Variants in AP4E1 observed in about 807,000 individuals in gnomAD.
AP4E1 encodes AP-4 complex subunit epsilon-1.
A neutral mutation model predicts 128.2 loss-of-function variants in AP4E1; 56 were observed. The observed-to-expected ratio is 0.44, with a 90% CI of 0.35 to 0.55. The LOEUF (loss-of-function observed/expected upper bound fraction) is 0.55, where lower values mean the gene tolerates loss of function less well. AP4E1 is among the 20% of genes least tolerant of loss of function. The pLI is 0.00. For missense variants in AP4E1, 1,324 were observed against 1,307.7 expected, an observed-to-expected ratio of 1.01 and a Z score of -0.19; for synonymous variants, 484 against 473.1, an observed-to-expected ratio of 1.02 and a Z score of -0.30.
rs2065007342 is a variant in AP4E1, at chr15:51,005,444, G to C, written c.*2782G>C. ...TGGAGGCAGGCAGATCAGAGCTCAGGGTTTGAAAGTGGGCCTGAGTAAGGG... is the reference window on the plus strand; with the variant it reads ...TGGAGGCAGGCAGATCAGAGCTCAGCGTTTGAAAGTGGGCCTGAGTAAGGG... On this transcript the variant is annotated 3_prime_UTR_variant, in exon 21 of 21. Coordinates refer to ENST00000261842, the MANE Select transcript of AP4E1 (RefSeq NM_007347.5). The C allele has an allele frequency of 6.6e-6, 1 of 152,610 alleles. No homozygotes were observed. Among genetic ancestry groups the C allele is most frequent in the South Asian group, 2.1e-4 (1 of 4,824 alleles). 9.5% of individuals were successfully genotyped at this position (152,610 alleles called of 1,614,324 possible).
At chr15:50,912,215 G>C in intron 2 of AP4E1, 66 bp downstream of exon 2, 1 of 1,346,538 alleles carries the variant, frequency 7.4e-7, no homozygotes, top group Non-Finnish European at 1.1e-6. Flanking sequence ...ACTCAATAGT[G>C]GCATCTAACT....
chr15:50,950,228 T>G, intron 13 of AP4E1, 59 bp downstream of exon 13: 1 of 1,206,230 alleles, frequency 8.3e-7, no homozygotes. Flanking sequence ...AACCAAATGT[T>G]AACATATTTT....
At chr15:50,944,818 T>C in intron 10 of AP4E1, 1 of 709,648 alleles carries the variant, frequency 1.4e-6, no homozygotes. Context: ...ATGGAATGAG[T>C]ATTTGCAAAA....
intron 20 of AP4E1, among the ~76,000 whole-genome samples, chr15:51,002,002 C>T (rs2064969491): frequency 6.6e-6 from 1 of 152,138 alleles, no homozygotes; most frequent in Non-Finnish European, 1.5e-5. Context: ...CCTCAGCCTC[C>T]CGAGTAGCTA....
intron 16 of AP4E1, among the ~76,000 whole-genome samples, chr15:50,985,950 A>G (rs2064716996): frequency 6.6e-6 from 1 of 152,186 alleles, no homozygotes; most frequent in Admixed American, 6.5e-5. Flanking sequence ...TGAGCATGGA[A>G]TGTTCTTCCA....
At chr15:50,980,415 A>G (rs1380874488) in intron 15 of AP4E1, among the ~76,000 whole-genome samples, 1 of 152,348 alleles carries the variant, frequency 6.6e-6, no homozygotes, top group South Asian at 2.1e-4. Context: ...TGCATGCAGT[A>G]AGATATGAGA....
At chr15:50,991,405 A>G (rs1264896206) in intron 16 of AP4E1, among the ~76,000 whole-genome samples, 3 of 152,182 alleles carry the variant, frequency 2.0e-5, no homozygotes, top group Non-Finnish European at 2.9e-5. Flanking sequence ...TATTGTGGGT[A>G]TTCATGAATT....
intron 8 of AP4E1, among the ~76,000 whole-genome samples, chr15:50,939,156 A>G (rs577419547): frequency 6.6e-6 from 1 of 152,314 alleles, no homozygotes; most frequent in East Asian, 1.9e-4. Flanking sequence ...ACCAAGTTCC[A>G]TGTTGTATTT....
upstream of AP4E1, among the ~76,000 whole-genome samples, chr15:50,907,902 T>C (rs2063507982): frequency 1.3e-5 from 2 of 152,142 alleles, no homozygotes; most frequent in Non-Finnish European, 1.5e-5. Flanking sequence ...ACTCTCTCTA[T>C]GGGGAGCTGT....
At chr15:50,976,070 T>C (rs1245191708) in intron 15 of AP4E1, among the ~76,000 whole-genome samples, 1 of 151,678 alleles carries the variant, frequency 6.6e-6, no homozygotes, top group Non-Finnish European at 1.5e-5. Context: ...AGCCTTACCC[T>C]GATAGCAAAG....
chr15:50,980,360 A>C (rs1261179706), intron 15 of AP4E1, among the ~76,000 whole-genome samples: 1 of 152,234 alleles, frequency 6.6e-6, no homozygotes, highest in East Asian at 1.9e-4. Context: ...TGGTGGAAGA[A>C]ATTTCTGTGC....
upstream of AP4E1, chr15:50,908,496 C>T (rs1010497341): frequency 5.8e-6 from 2 of 343,706 alleles, no homozygotes; most frequent in Admixed American, 5.1e-5. Context: ...GGAGGACTCA[C>T]GGTTCTGGGG....
In AP4E1 at chr15:50,997,539, G is replaced by C; in HGVS notation, c.2560G>C (p.Asp854His). The change falls in exon 18 of 21, where the codon GAT (aspartate) becomes CAT (histidine). Residue 854 changes from aspartate (D) to histidine (H), a missense_variant. Asp to His is a moderately conservative substitution (Grantham distance 81, BLOSUM62 -1). Transcript: ENST00000261842. ...KKFSLTSELL[D>H]SESLTELPLV... Reference sequence around the variant, plus strand: ...ATTTTCTCTCACTTCAGAACTTTTGGATTCTGAGTCACTCACAGAACTGCC... The same window carrying C: ...ATTTTCTCTCACTTCAGAACTTTTGCATTCTGAGTCACTCACAGAACTGCC... The C allele has an allele frequency of 6.2e-7, 1 of 1,614,004 alleles. No individual in the cohort carries two copies. The highest frequency in any genetic ancestry group is 8.5e-7 in the Non-Finnish European group (1 of 1,179,950).
At chr15:50,985,288 T>G (rs1342416911) in intron 16 of AP4E1, among the ~76,000 whole-genome samples, 1 of 152,244 alleles carries the variant, frequency 6.6e-6, no homozygotes, top group Non-Finnish European at 1.5e-5. Flanking sequence ...TAGTTTCTTT[T>G]GCTGTGCAGA....
At chr15:50,909,884 A>G (rs1446471818) in intron 1 of AP4E1, among the ~76,000 whole-genome samples, 1 of 152,040 alleles carries the variant, frequency 6.6e-6, no homozygotes, top group South Asian at 2.1e-4. Flanking sequence ...ACGGGGTTTC[A>G]CCGTGTTAGC....
At chr15:50,938,998 G>C (rs1445697442) in intron 8 of AP4E1, among the ~76,000 whole-genome samples, 1 of 152,158 alleles carries the variant, frequency 6.6e-6, no homozygotes, top group Non-Finnish European at 1.5e-5. Flanking sequence ...TTCACATTTT[G>C]TTTGAGCATA....
At chr15:50,971,431 C>CTTGGGGTTGAATCTGT in intron 15 of AP4E1, among the ~76,000 whole-genome samples, 1 of 151,960 alleles carries the variant, frequency 6.6e-6, no homozygotes, top group Non-Finnish European at 1.5e-5. Context: ...AAAGGACCTG[C>CTTGGGGTTGAATCTGT]TTGGGGTTGA....
intron 15 of AP4E1, among the ~76,000 whole-genome samples, chr15:50,977,166 G>T (rs912246789): frequency 6.6e-6 from 1 of 152,088 alleles, no homozygotes; most frequent in African/African-American, 2.4e-5. Flanking sequence ...AAAGCTCCTG[G>T]GTTTCCACAG....
At chr15:50,946,050 A>G in intron 10 of AP4E1, 4 of 746,312 alleles carry the variant, frequency 5.4e-6, no homozygotes, top group South Asian at 1.6e-5. Context: ...TTTTGATTTG[A>G]GAACTCTACA....
Sources: allele counts gnomAD v4.1 joint callset (sites outside exome capture counted in the v4.1 genomes callset), GRCh38; gene constraint gnomAD v4.1.1; transcripts MANE v1.5; gene names NCBI Gene and HGNC (gene_info 2026-07-23, HGNC 2026-07-21).